Variants in KLHDC8A observed in about 807,000 individuals in gnomAD.
KLHDC8A encodes kelch domain containing 8A.
Under a neutral mutation model 33.1 loss-of-function variants are expected in KLHDC8A, and 21 were observed. That is an observed-to-expected ratio of 0.64 (90% CI 0.45 to 0.91). The LOEUF (loss-of-function observed/expected upper bound fraction) is 0.91. Among genes scored for constraint, KLHDC8A ranks in the 40% least tolerant of loss-of-function variants. The pLI, the probability that KLHDC8A is intolerant of heterozygous loss-of-function variation, is 0.00. For missense variants in KLHDC8A, 435 were observed against 483.3 expected (o/e 0.90, Z 0.94); for synonymous variants, 173 against 193.5 (o/e 0.89, Z 0.88).
chr1:205,343,295 C>CATCGATGT lies in KLHDC8A; in HGVS notation c.302_309dup (p.Glu104ThrfsTer51). 6.2e-7 allele frequency: 1 copy of CATCGATGT among 1,613,184 alleles called. No homozygotes were observed. The highest frequency in any genetic ancestry group is 8.5e-7 in the Non-Finnish European group (1 of 1,179,720). On this transcript the variant is annotated frameshift_variant, in exon 2 of 6. Coordinates refer to ENST00000367155, the MANE Select transcript of KLHDC8A (RefSeq NM_018203.3). LOFTEE classifies it high-confidence loss of function. The stretch of plus-strand genomic sequence containing the variant: ...ATGCTCCTCTTCTTCCACTTGCCCT[C>CATCGATGT]ATCGATGTTGTACATCTCCACGACC...
Position 205,355,886 on chromosome 1 carries a change from G to C in KLHDC8A, c.-190+647C>G, listed in dbSNP as rs376091923. Among the ~76,000 whole-genome samples, 376 of 152,286 alleles carry C rather than the reference G, an allele frequency of 2.5e-3. 24 individuals are homozygous for C. In the South Asian group the frequency reaches 0.074, roughly 30 times the overall value. On this transcript the variant is annotated intron_variant, in intron 1 of 5. Transcript: ENST00000367155. The stretch of plus-strand genomic sequence containing the variant: ...TTGCTGTCAAAGCACTTTCCCTTCG[G>C]AGCCAAGCACAGCAATGTGTATGTA...
Position 205,337,110 on chromosome 1 carries a change from G to C in KLHDC8A, c.*289C>G. The C allele has an allele frequency of 2.5e-6, 1 of 407,200 alleles. No homozygotes were observed. Among genetic ancestry groups the C allele is most frequent in the Non-Finnish European group, 4.5e-6 (1 of 222,864 alleles). The allele number at this position is 407,200 out of a possible 1,614,324, so 25.2% of individuals were successfully genotyped here. ...GGGGGGAGGTGGGACTCACAGGAGG[G>C]AGAGGTAGGAAATATTCCTGTGCCT... On this transcript the variant is annotated 3_prime_UTR_variant, in exon 6 of 6. Transcript: ENST00000367155.
intron 1 of KLHDC8A, among the ~76,000 whole-genome samples, chr1:205,355,701 T>G (rs1663248256): frequency 6.6e-6 from 1 of 152,050 alleles, no homozygotes; most frequent in South Asian, 2.1e-4. Flanking sequence ...AGGTGAAAAC[T>G]TAGACTTAGA....
chr1:205,343,636 G>C lies in KLHDC8A; in HGVS notation c.-32C>G. ...CTTGGGGAGCGCCCGGGCGCCGGGA[G>C]AGGTGCGAGCGCGGGGGTCCACCGG... is the stretch of plus-strand genomic sequence containing the variant. On this transcript the variant is annotated 5_prime_UTR_variant, in exon 2 of 6. Transcript: ENST00000367155. The C allele has an allele frequency of 6.5e-7, 1 of 1,539,232 alleles. No homozygotes were observed. Among genetic ancestry groups the C allele is most frequent in the Non-Finnish European group, 8.8e-7 (1 of 1,142,030 alleles).
rs558663590 is a variant in KLHDC8A at position 205,349,561 on chromosome 1, C to T, written c.-189-5768G>A. On this transcript the variant is annotated intron_variant, in intron 1 of 5. Transcript: ENST00000367155. The stretch of plus-strand genomic sequence containing the variant: ...GAGAAGGAAGGGTTGGGAAGCCACA[C>T]GCTCCTCTGCTGTTTAGTGCGTGCG... 1.2e-4 allele frequency among the ~76,000 whole-genome samples: 19 copies of T among 152,340 alleles called. 1 individual carries two copies. The highest frequency in any genetic ancestry group is 2.4e-4 in the African/African-American group (10 of 41,574).
chr1:205,355,463 C>T (rs925453152), intron 1 of KLHDC8A, among the ~76,000 whole-genome samples: 1 of 152,178 alleles, frequency 6.6e-6, no homozygotes, highest in Non-Finnish European at 1.5e-5. Flanking sequence ...ACTATGTTAG[C>T]ATGATAATAA....
chr1:205,339,579 C>T lies in KLHDC8A; in HGVS notation c.541+65G>A, dbSNP rs1487126356. ...GGAGATGCTCAGCACACAGGCACTG[C>T]TTCCTATGGGAACTGAGCCAAGGGA... On this transcript the variant is annotated intron_variant, in intron 3 of 5. Transcript: ENST00000367155. This position sits in a 1 kb window ranked among gnomAD's most constrained non-coding sequence, Gnocchi z 5.1. 2.6e-6 allele frequency: 4 copies of T among 1,566,782 alleles called. No individual in the cohort carries two copies. The highest frequency in any genetic ancestry group is 2.7e-5 in the African/African-American group (2 of 74,088).
At chr1:205,350,134 C>T (rs966518937) in intron 1 of KLHDC8A, among the ~76,000 whole-genome samples, 14 of 152,210 alleles carry the variant, frequency 9.2e-5, no homozygotes, top group Admixed American at 6.5e-4. Flanking sequence ...CTCTCACAAG[C>T]GCTGCCAGCT....
chr1:205,337,490 C>G lies in KLHDC8A; in HGVS notation c.962G>C (p.Ser321Thr). 6.2e-7 allele frequency: 1 copy of G among 1,614,062 alleles called. No homozygotes were observed. Among genetic ancestry groups the G allele is most frequent in the Non-Finnish European group, 8.5e-7 (1 of 1,179,962 alleles). Residue 321 changes from serine (S) to threonine (T), a missense_variant, in exon 6 of 6, where the codon AGC becomes ACC. By Grantham distance (58) the Ser-to-Thr change is moderately conservative (BLOSUM62 1). Transcript: ENST00000367155. ...AMPTPRCACS[S>T]IVVKNCLLAV... Reference sequence around the variant, plus strand: ...GAGGAGGCAGTTCTTGACGACTATGCTGGAGCAGGCACAGCGGGGTGTGGG... The same window carrying G: ...GAGGAGGCAGTTCTTGACGACTATGGTGGAGCAGGCACAGCGGGGTGTGGG...
In KLHDC8A at chr1:205,339,655, A is replaced by T; in HGVS notation, c.530T>A (p.Ile177Asn). ...TAACCTGTCCTTACCCAGCACGTAG[A>T]TCTTGGAGCCTCGGAGGAAGGAGGT... ...AATSFLRGSK[I>N]YVLGGRQSKY... The change falls in exon 3 of 6, where the codon ATC becomes AAC. Residue 177 changes from isoleucine (I) to asparagine (N), a missense_variant. Physicochemically the swap from Ile to Asn is moderately radical, Grantham distance 149. Transcript: ENST00000367155. The surrounding 1 kb of genome is among the most constrained non-coding windows in gnomAD (Gnocchi z 5.1). 3.1e-6 allele frequency: 5 copies of T among 1,614,064 alleles called. No homozygotes were observed. Among genetic ancestry groups the T allele is most frequent in the Non-Finnish European group, 4.2e-6 (5 of 1,179,980 alleles).
At chr1:205,350,588 C>G (rs571563262) in intron 1 of KLHDC8A, among the ~76,000 whole-genome samples, 1 of 152,246 alleles carries the variant, frequency 6.6e-6, no homozygotes, top group Non-Finnish European at 1.5e-5. Context: ...TCAGACACGG[C>G]TCTTTAAATG....
intron 2 of KLHDC8A, among the ~76,000 whole-genome samples, chr1:205,340,319 G>A (rs1048957525): frequency 5.9e-5 from 9 of 152,060 alleles, no homozygotes; most frequent in Non-Finnish European, 8.8e-5. Context: ...CCAGCTGCCT[G>A]GGTCTTTTGA....
Position 205,356,359 on chromosome 1 carries a change from G to A in KLHDC8A, c.-190+174C>T, listed in dbSNP as rs1014950379. ...AGGAACCTTTAACTTCAAAGCTAGA[G>A]AGGCCCAGCTGAGGAGAAAAGGCCC... On this transcript the variant is annotated intron_variant, in intron 1 of 5. Coordinates refer to ENST00000367155, the MANE Select transcript of KLHDC8A (RefSeq NM_018203.3). Among the ~76,000 whole-genome samples the A allele has an allele frequency of 4.6e-5, 7 of 152,102 alleles. No homozygotes were observed. The South Asian group carries it at 1.0e-3, about 23-fold the overall frequency.
In KLHDC8A at chr1:205,351,392, C is replaced by G. The variant is rs146726609; in HGVS notation, c.-190+5141G>C. ...GTGATAGATGAATGTGTGGAAATGG[C>G]GACTAGTGGACAACAGAACAATATT... On this transcript the variant is annotated intron_variant, in intron 1 of 5. Coordinates refer to ENST00000367155, the MANE Select transcript of KLHDC8A (RefSeq NM_018203.3). 3.5e-6 allele frequency: 3 copies of G among 854,310 alleles called. No homozygotes were observed. The African/African-American group carries it at 4.9e-5, about 14-fold the overall frequency. 52.9% of individuals were successfully genotyped at this position (854,310 alleles called of 1,614,324 possible). A position where few individuals can be genotyped will look rare whatever the true frequency, so the allele number is the denominator to read the frequency against.
intron 2 of KLHDC8A, among the ~76,000 whole-genome samples, chr1:205,340,888 T>C (rs947630870): frequency 2.0e-4 from 30 of 152,244 alleles, no homozygotes; most frequent in Non-Finnish European, 1.8e-4. Context: ...CACTGGCCTA[T>C]GGGACACTGG....
chr1:205,346,957 G>T (rs1265239226), intron 1 of KLHDC8A, among the ~76,000 whole-genome samples: 1 of 152,112 alleles, frequency 6.6e-6, no homozygotes, highest in Non-Finnish European at 1.5e-5. Context: ...CTAAACTAAG[G>T]CTCATATCCT....
At chr1:205,353,681 C>T (rs2864859) in intron 1 of KLHDC8A, among the ~76,000 whole-genome samples, 120,600 of 152,054 alleles carry the variant, frequency 0.79, 47,962 homozygotes, top group African/African-American at 0.86. Flanking sequence ...AGACACGCAC[C>T]ACTCCCAGCT....
At position 205,339,426 on chromosome 1, in the gene KLHDC8A, G is replaced by A. The variant is rs1351322798; in HGVS notation, c.542-17C>T. On this transcript the variant is annotated splice_polypyrimidine_tract_variant and intron_variant, in intron 3 of 5. Transcript: ENST00000367155. This position sits in a 1 kb window ranked among gnomAD's most constrained non-coding sequence, Gnocchi z 5.1. ...GTCGTCCCCCTGGGGGCCAGAGCAG[G>A]ATAGAGGTTGGGCAGAAGGGTTGTC... The A allele has an allele frequency of 6.2e-7, 1 of 1,608,938 alleles. No individual in the cohort carries two copies. Among genetic ancestry groups the A allele is most frequent in the Non-Finnish European group, 8.5e-7 (1 of 1,176,360 alleles).
At chr1:205,355,792 C>A (rs1344933937) in intron 1 of KLHDC8A, among the ~76,000 whole-genome samples, 1 of 152,184 alleles carries the variant, frequency 6.6e-6, no homozygotes, top group East Asian at 1.9e-4. Flanking sequence ...AATCCCCATA[C>A]CTGTCTATGT....
Sources: allele counts gnomAD v4.1 joint callset (sites outside exome capture counted in the v4.1 genomes callset), GRCh38; gene constraint gnomAD v4.1.1; non-coding constraint Gnocchi (gnomAD v3.1); transcripts MANE v1.5; gene names NCBI Gene and HGNC (gene_info 2026-07-23, HGNC 2026-07-21).